TTC13: variants seen among roughly 807,000 people sequenced by gnomAD.
TTC13 encodes the protein tetratricopeptide repeat domain 13.
Under a neutral mutation model 120.0 loss-of-function variants are expected in TTC13, and 62 were observed. That is an observed-to-expected ratio of 0.52 (90% CI 0.42 to 0.64). TTC13 has a LOEUF of 0.64. TTC13 is among the 30% of genes least tolerant of loss of function. TTC13 has a pLI of 0.00. For synonymous variants in TTC13, 384 were observed against 393.5 expected (o/e 0.98, Z 0.28); for missense variants, 824 against 1,050.2 (o/e 0.78, Z 2.98).
At chr1:230,947,769 G>C (rs9431618) in intron 4 of TTC13, among the ~76,000 whole-genome samples, 1 of 152,034 alleles carries the variant, frequency 6.6e-6, no homozygotes, top group Non-Finnish European at 1.5e-5. Flanking sequence ...ACAGAAAAAA[G>C]TTTACTCCAG....
At chr1:230,967,517 CTAATT>C (rs1203464085) in intron 1 of TTC13, among the ~76,000 whole-genome samples, 2 of 151,960 alleles carry the variant, frequency 1.3e-5, no homozygotes, top group African/African-American at 2.4e-5. Context: ...TATTAACAAA[CTAATT>C]TAATTTTTTC....
At chr1:230,922,552 T>G (rs191703926) in intron 15 of TTC13, among the ~76,000 whole-genome samples, 1 of 152,350 alleles carries the variant, frequency 6.6e-6, no homozygotes. Context: ...CTTCTGCCTA[T>G]CTTTCTAGCC....
Position 230,956,365 on chromosome 1 carries a change from T to A in TTC13, c.442+1859A>T, listed in dbSNP as rs191400305. 503 of 208,332 alleles carry A rather than the reference T, an allele frequency of 2.4e-3. 7 individuals are homozygous for A. Among genetic ancestry groups the A allele is most frequent in the Non-Finnish European group, 2.8e-3 (276 of 100,070 alleles). The allele number at this position is 208,332 out of a possible 1,614,324, so 12.9% of individuals were successfully genotyped here. ...TTGTACTTTTTTGAATGCAGGAAGA[T>A]GACGATTTGATCAGAAAGCCAAGAT... is the stretch of plus-strand genomic sequence containing the variant. On this transcript the variant is annotated intron_variant, in intron 3 of 22. Transcript: ENST00000366661.
chr1:230,957,909 T>G (rs2102951983), intron 3 of TTC13, among the ~76,000 whole-genome samples: 1 of 152,342 alleles, frequency 6.6e-6, no homozygotes, highest in South Asian at 2.1e-4. Flanking sequence ...CTTTCACTTC[T>G]TCATTGCTCA....
chr1:230,924,851 T>C lies in TTC13; in HGVS notation c.1711A>G (p.Lys571Glu), dbSNP rs374974448. The C allele has an allele frequency of 2.7e-4, 439 of 1,614,224 alleles. No individual in the cohort carries two copies. Among genetic ancestry groups the C allele is most frequent in the Non-Finnish European group, 3.5e-4 (408 of 1,180,038 alleles). ...TGAGATGTTAGTTACCTTCTCCATTTAACTGCAATGTCAAACATGTCTCTC... is the reference window on the plus strand; with the variant it reads ...TGAGATGTTAGTTACCTTCTCCATTCAACTGCAATGTCAAACATGTCTCTC... Reference protein sequence around the residue: ...QWRDMFDIAVKWRRIADPDQP... With the variant: ...QWRDMFDIAVEWRRIADPDQP... Residue 571 changes from lysine to glutamate, a missense_variant, in exon 14 of 23, where the codon AAA becomes GAA. Coordinates refer to ENST00000366661, the MANE Select transcript of TTC13 (RefSeq NM_024525.5).
At chr1:230,954,637 T>A (rs1336444198) in intron 3 of TTC13, among the ~76,000 whole-genome samples, 1 of 152,232 alleles carries the variant, frequency 6.6e-6, no homozygotes. Context: ...CTATAAAATA[T>A]CTGCCTACAA....
rs569120907 is a variant in TTC13 at position 230,924,992 on chromosome 1, G to A, written c.1589-19C>T. ...CCCATAGCTACGAGAAAGGAATATCGAGAAGAGTTAGTACACTTTAGAGGG... is the reference window on the plus strand; with the variant it reads ...CCCATAGCTACGAGAAAGGAATATCAAGAAGAGTTAGTACACTTTAGAGGG... On this transcript the variant is annotated intron_variant, in intron 13 of 22. Transcript: ENST00000366661. 14 of 1,613,894 alleles carry A rather than the reference G, an allele frequency of 8.7e-6. No individual in the cohort carries two copies. Among genetic ancestry groups the A allele is most frequent in the African/African-American group, 2.7e-5 (2 of 74,878 alleles).
At chr1:230,925,123 A>C (rs1672944249) in intron 13 of TTC13, 150 bp from the exon 14 acceptor site, 1 of 1,003,446 alleles carries the variant, frequency 1.0e-6, no homozygotes, top group East Asian at 2.5e-5. Flanking sequence ...CGTTTCAGTC[A>C]TGATGGTCCT....
intron 16 of TTC13, among the ~76,000 whole-genome samples, chr1:230,920,947 A>T (rs1179885173): frequency 2.0e-5 from 3 of 152,128 alleles, no homozygotes; most frequent in African/African-American, 7.2e-5. Context: ...TTATATGTGG[A>T]TGTTTTGTGT....
chr1:230,935,142 T>C (rs930144933), intron 8 of TTC13, among the ~76,000 whole-genome samples: 2 of 152,234 alleles, frequency 1.3e-5, no homozygotes, highest in Non-Finnish European at 2.9e-5. Flanking sequence ...AGATCACTTT[T>C]AGTTAGGCTT....
At chr1:230,927,979 T>C (rs746383268) in intron 12 of TTC13, among the ~76,000 whole-genome samples, 1 of 152,214 alleles carries the variant, frequency 6.6e-6, no homozygotes, top group African/African-American at 2.4e-5. Context: ...ATCTAAGTTA[T>C]CTATTCTCTT....
intron 4 of TTC13, among the ~76,000 whole-genome samples, chr1:230,948,830 CTACA>C (rs1369449273): frequency 6.6e-6 from 1 of 152,070 alleles, no homozygotes; most frequent in African/African-American, 2.4e-5. Context: ...TAATAATTCC[CTACA>C]TACAAGATGC....
chr1:230,959,248 CAG>C (rs1444799002), intron 2 of TTC13, among the ~76,000 whole-genome samples: 4 of 152,080 alleles, frequency 2.6e-5, no homozygotes. Context: ...GGGACGAGGA[CAG>C]AAATGAAATT....
intron 18 of TTC13, among the ~76,000 whole-genome samples, chr1:230,914,444 G>C (rs1671819165): frequency 6.6e-6 from 1 of 151,910 alleles, no homozygotes; most frequent in South Asian, 2.1e-4. Context: ...CACCAGGCTG[G>C]AGTGCAGTGG....
Position 230,924,834 on chromosome 1 carries a change from T to C in TTC13, c.1721+7A>G. On this transcript the variant is annotated splice_region_variant and intron_variant, in intron 14 of 22. Coordinates refer to ENST00000366661, the MANE Select transcript of TTC13 (RefSeq NM_024525.5). ...TTATAGTTTATTTTCACTGAGATGT[T>C]AGTTACCTTCTCCATTTAACTGCAA... 6.2e-7 allele frequency: 1 copy of C among 1,614,110 alleles called. No individual in the cohort carries two copies. The highest frequency in any genetic ancestry group is 8.5e-7 in the Non-Finnish European group (1 of 1,179,962).
intron 11 of TTC13, 74 bp downstream of exon 11, chr1:230,931,224 T>A: frequency 6.6e-7 from 1 of 1,513,732 alleles, no homozygotes. Flanking sequence ...ATACGAAACA[T>A]AAAAGAGTCA....
At chr1:230,958,135 CTACTCCT>C (rs1296518798) in intron 3 of TTC13, 82 bp downstream of exon 3, 2 of 1,380,806 alleles carry the variant, frequency 1.4e-6, no homozygotes, top group Non-Finnish European at 2.0e-6. Flanking sequence ...GCCAGTCTCT[CTACTCCT>C]TACCATCCTG....
At chr1:230,977,744 G>C (rs562391836) in intron 1 of TTC13, among the ~76,000 whole-genome samples, 1 of 152,144 alleles carries the variant, frequency 6.6e-6, no homozygotes, top group Admixed American at 6.5e-5. Context: ...GAGAAAGGGA[G>C]GAGATTGATG....
At chr1:230,955,551 G>A (rs1675989849) in intron 3 of TTC13, among the ~76,000 whole-genome samples, 2 of 150,498 alleles carry the variant, frequency 1.3e-5, no homozygotes, top group Admixed American at 6.6e-5. Context: ...GGTGCCTGTA[G>A]TCCCAGCTAC....
Sources: allele counts gnomAD v4.1 joint callset (sites outside exome capture counted in the v4.1 genomes callset), GRCh38; gene constraint gnomAD v4.1.1; transcripts MANE v1.5; gene names NCBI Gene and HGNC (gene_info 2026-07-23, HGNC 2026-07-21).